Variants in MYRF observed in about 807,000 individuals in gnomAD.
MYRF encodes myelin regulatory factor, also known as myelin gene regulatory factor.
Under a neutral mutation model 126.3 loss-of-function variants are expected in MYRF, and 16 were observed. That is an observed-to-expected ratio of 0.13 (90% CI 0.09 to 0.19). MYRF has a LOEUF of 0.19. Ranked by LOEUF, MYRF falls within the 10% of genes least tolerant of loss-of-function variation. MYRF has a pLI of 1.00. For synonymous variants in MYRF, 608 were observed against 635.3 expected (o/e 0.96, Z 0.65); for missense variants, 1,104 against 1,547.0 (o/e 0.71, Z 4.80).
At chr11:61,755,729 G>A (rs1402613880) in intron 1 of MYRF, 2 of 647,714 alleles carry the variant, frequency 3.1e-6, no homozygotes, top group Admixed American at 2.1e-5. Context: ...AGTATGAATG[G>A]CCGAGCCTGG....
At chr11:61,755,683 C>A (rs1351564572) in intron 1 of MYRF, 1 of 701,748 alleles carries the variant, frequency 1.4e-6, no homozygotes, top group Non-Finnish European at 2.6e-6. Flanking sequence ...TCTGAAGAAG[C>A]TCACTGCCCA....
Position 61,781,922 on chromosome 11 carries a change from T to G in MYRF, c.3016+98T>G, listed in dbSNP as rs1275058879. 2.9e-6 allele frequency: 4 copies of G among 1,383,036 alleles called. No individual in the cohort carries two copies. The East Asian group carries it at 1.0e-4, about 35-fold the overall frequency. 85.7% of individuals were successfully genotyped at this position (1,383,036 alleles called of 1,614,324 possible). A position where few individuals can be genotyped will look rare whatever the true frequency, so the allele number is the denominator to read the frequency against. ...GTCATGTGACTGTCTGGGTTCAGACTTGTCAGTCAATAGACGTTTGCTGAG... is the reference window on the plus strand; with the variant it reads ...GTCATGTGACTGTCTGGGTTCAGACGTGTCAGTCAATAGACGTTTGCTGAG... On this transcript the variant is annotated intron_variant, in intron 22 of 26. Coordinates refer to ENST00000278836, the MANE Select transcript of MYRF (RefSeq NM_001127392.3).
At chr11:61,775,055 T>C (rs2066337961) in intron 8 of MYRF, among the ~76,000 whole-genome samples, 1 of 152,196 alleles carries the variant, frequency 6.6e-6, no homozygotes, top group Non-Finnish European at 1.5e-5. Flanking sequence ...CTGGCCTTGC[T>C]ATTGCCCTGG....
chr11:61,781,866 A>T, intron 22 of MYRF, 42 bp downstream of exon 22: 1 of 1,497,558 alleles, frequency 6.7e-7, no homozygotes, highest in Non-Finnish European at 8.8e-7. Context: ...CAGCCTGGCA[A>T]GGCTCACTGG....
intron 5 of MYRF, 137 bp downstream of exon 5, chr11:61,770,662 A>G: frequency 1.3e-6 from 1 of 779,414 alleles, no homozygotes; most frequent in Non-Finnish European, 2.0e-6. Context: ...TGCAGGGCAG[A>G]TGGGGGTAAC....
intron 1 of MYRF, among the ~76,000 whole-genome samples, chr11:61,763,808 T>G (rs1375932360): frequency 6.6e-6 from 1 of 151,642 alleles, no homozygotes; most frequent in Non-Finnish European, 1.5e-5. Flanking sequence ...GAGGTTGCAG[T>G]GAACCAAGAT....
chr11:61,752,694 G>A lies in MYRF; in HGVS notation c.-51G>A, dbSNP rs918789555. 1.6e-6 allele frequency: 2 copies of A among 1,279,892 alleles called. No individual in the cohort carries two copies. The highest frequency in any genetic ancestry group is 2.8e-5 in the South Asian group (1 of 35,816). The allele number at this position is 1,279,892 out of a possible 1,614,324, so 79.3% of individuals were successfully genotyped here. A position where few individuals can be genotyped will look rare whatever the true frequency, so the allele number is the denominator to read the frequency against. On this transcript the variant is annotated 5_prime_UTR_variant, in exon 1 of 27. Coordinates refer to ENST00000278836, the MANE Select transcript of MYRF (RefSeq NM_001127392.3). ...CCGCGCCGGCGATGCCGCGCCCCCG[G>A]GCCGGGCTGTAGCGGGGCCGCGGCT...
Position 61,774,076 on chromosome 11 carries a change from G to C in MYRF, c.1225G>C (p.Gly409Arg). The C allele has an allele frequency of 6.2e-7, 1 of 1,613,882 alleles. No individual in the cohort carries two copies. Among genetic ancestry groups the C allele is most frequent in the Non-Finnish European group, 8.5e-7 (1 of 1,179,988 alleles). Residue 409 changes from glycine to arginine, a missense_variant, in exon 8 of 27, where the codon GGC (glycine) becomes CGC (arginine). Around this residue, in one of 10 missense-constraint regions of MYRF, gnomAD observed 36 missense variants for 47.5 expected, o/e 0.76. Coordinates refer to ENST00000278836, the MANE Select transcript of MYRF (RefSeq NM_001127392.3). ...KNHFQVTVYI[G>R]MLGEPKYVKT... ...CCACTTCCAGGTGACAGTGTACATC[G>C]GCATGCTGGGCGAGCCCAAGTACGT...
intron 18 of MYRF, among the ~76,000 whole-genome samples, 165 bp downstream of exon 18, chr11:61,780,455 G>A (rs1162858236): frequency 2.0e-5 from 3 of 152,162 alleles, no homozygotes; most frequent in Non-Finnish European, 2.9e-5. Context: ...TGGAGGGTGG[G>A]CAGCCTTTCC....
At position 61,776,763 on chromosome 11, in the gene MYRF, TTC is replaced by T. The variant is rs1285801511; in HGVS notation, c.1500-22_1500-21del. On this transcript the variant is annotated intron_variant, in intron 10 of 26. Transcript: ENST00000278836. This position sits in a 1 kb window ranked among gnomAD's most constrained non-coding sequence, Gnocchi z 4.3. ...GGGGGCGGGGGCAGGCCATGAGTAC[TTC>T]TGAGACCCCTGTGTGTCCCAGGTAC... 1.3e-5 allele frequency: 20 copies of T among 1,564,092 alleles called. No individual in the cohort carries two copies. The highest frequency in any genetic ancestry group is 1.7e-5 in the Non-Finnish European group (20 of 1,152,444).
chr11:61,777,857 G>A lies in MYRF; in HGVS notation c.1903+12G>A, dbSNP rs1219236825. On this transcript the variant is annotated intron_variant, in intron 13 of 26. Coordinates refer to ENST00000278836, the MANE Select transcript of MYRF (RefSeq NM_001127392.3). The surrounding 1 kb of genome is among the most constrained non-coding windows in gnomAD (Gnocchi z 8.8). Reference sequence around the variant, plus strand: ...CGCGCCAGAGACAGGTAGGGACCGGGCTGGTGCGGACTGGGGTCCGGAAAC... The same window carrying A: ...CGCGCCAGAGACAGGTAGGGACCGGACTGGTGCGGACTGGGGTCCGGAAAC... The A allele has an allele frequency of 1.3e-6, 2 of 1,549,902 alleles. No individual in the cohort carries two copies. The highest frequency in any genetic ancestry group is 3.9e-5 in the Admixed American group (2 of 51,020).
At chr11:61,755,586 C>A in intron 1 of MYRF, 2 of 1,017,254 alleles carry the variant, frequency 2.0e-6, no homozygotes, top group Non-Finnish European at 3.0e-6. Flanking sequence ...CTGTGCCTGG[C>A]AGGGAACCCC....
chr11:61,772,266 G>A (rs537692063), intron 7 of MYRF, among the ~76,000 whole-genome samples: 4 of 152,276 alleles, frequency 2.6e-5, no homozygotes, highest in Non-Finnish European at 5.9e-5. Flanking sequence ...GAAGGTAGCC[G>A]GAAGCTGAGC....
intron 1 of MYRF, among the ~76,000 whole-genome samples, chr11:61,761,688 G>A (rs1020852602): frequency 1.3e-5 from 2 of 152,238 alleles, no homozygotes; most frequent in Non-Finnish European, 2.9e-5. Flanking sequence ...GCTGTGTGCT[G>A]GGATACTATA....
At chr11:61,762,018 C>T (rs2065915143) in intron 1 of MYRF, among the ~76,000 whole-genome samples, 1 of 152,198 alleles carries the variant, frequency 6.6e-6, no homozygotes, top group Non-Finnish European at 1.5e-5. Flanking sequence ...CCCTGCCCAT[C>T]CCTTGCTAAA....
At chr11:61,781,883 C>G in intron 22 of MYRF, 59 bp downstream of exon 22, 1 of 1,467,668 alleles carries the variant, frequency 6.8e-7, no homozygotes, top group Non-Finnish European at 9.0e-7. Context: ...CTGGCCAGGG[C>G]CCACCTCAGC....
Position 61,776,329 on chromosome 11 carries a change from C to A in MYRF, c.1396C>A (p.Leu466Met). 6.2e-7 allele frequency: 1 copy of A among 1,612,546 alleles called. No individual in the cohort carries two copies. The highest frequency in any genetic ancestry group is 1.7e-4 in the Middle Eastern group (1 of 6,058). Reference protein sequence around the residue: ...KRPFNPVTVNLPPEQVTKVTV... With the variant: ...KRPFNPVTVNMPPEQVTKVTV... ...CCTGCCTCTCCTCTGCAGGGTCAAT[C>A]TGCCCCCTGAGCAGGTCACGAAGGT... The change falls in exon 10 of 27, where the codon CTG (leucine) becomes ATG (methionine). Residue 466 changes from leucine (L) to methionine (M), a missense_variant. Leu to Met is a conservative substitution (Grantham distance 15). Transcript: ENST00000278836. The surrounding 1 kb of genome is among the most constrained non-coding windows in gnomAD (Gnocchi z 4.3).
intron 18 of MYRF, 137 bp from the exon 19 acceptor site, chr11:61,780,575 G>A (rs1411359465): frequency 2.3e-6 from 2 of 878,344 alleles, no homozygotes; most frequent in Non-Finnish European, 1.7e-6. Context: ...CATGGGGTAG[G>A]AGGAAGGAGG....
chr11:61,781,932 A>G (rs1372926727), intron 22 of MYRF, 108 bp downstream of exon 22: 13 of 1,335,516 alleles, frequency 9.7e-6, no homozygotes, highest in Non-Finnish European at 1.1e-5. Context: ...TTGTCAGTCA[A>G]TAGACGTTTG....
Sources: allele counts gnomAD v4.1 joint callset (sites outside exome capture counted in the v4.1 genomes callset), GRCh38; gene constraint gnomAD v4.1.1; regional missense constraint gnomAD v4.1.1; non-coding constraint Gnocchi (gnomAD v3.1); transcripts MANE v1.5; gene names NCBI Gene and HGNC (gene_info 2026-07-23, HGNC 2026-07-21).